MGRN1: variants seen among roughly 807,000 people sequenced by gnomAD.
MGRN1 encodes E3 ubiquitin-protein ligase MGRN1.
A neutral mutation model predicts 69.2 loss-of-function variants in MGRN1; 29 were observed. The observed-to-expected ratio is 0.42, with a 90% CI of 0.31 to 0.57. MGRN1 has a LOEUF of 0.57. MGRN1 is among the 20% of genes least tolerant of loss of function. The probability of loss-of-function intolerance (pLI) is 0.15; values close to 1 mark genes in which losing one functional copy is unlikely to be tolerated. For synonymous variants in MGRN1, 470 were observed against 344.2 expected, an observed-to-expected ratio of 1.37 and a Z score of -4.04; for missense variants, 998 against 796.2, an observed-to-expected ratio of 1.25 and a Z score of -3.05.
chr16:4,661,841 A>G (rs1596295252), intron 5 of MGRN1, among the ~76,000 whole-genome samples: 1 of 152,374 alleles, frequency 6.6e-6, no homozygotes, highest in East Asian at 1.9e-4. Flanking sequence ...TTTGTTCAGC[A>G]GATGGCTGCC....
Position 4,668,442 on chromosome 16 carries a change from C to T in MGRN1, c.726+130C>T, listed in dbSNP as rs116591067. ...ATACTCATACACGCTCATACACACT[C>T]ATACACATTCACTTGCACATATATA... On this transcript the variant is annotated intron_variant, in intron 8 of 16. Transcript: ENST00000262370. 7.7e-6 allele frequency: 7 copies of T among 906,208 alleles called. No homozygotes were observed. The African/African-American group carries it at 1.0e-4, about 13-fold the overall frequency. 56.1% of individuals were successfully genotyped at this position (906,208 alleles called of 1,614,324 possible). A position where few individuals can be genotyped will look rare whatever the true frequency, so the allele number is the denominator to read the frequency against.
intron 1 of MGRN1, among the ~76,000 whole-genome samples, chr16:4,627,515 C>T (rs866451443): frequency 5.6e-4 from 85 of 152,362 alleles, no homozygotes; most frequent in Middle Eastern, 3.4e-3. Context: ...TGGCCAGGCG[C>T]GGTGGCTCAC....
chr16:4,646,311 C>T (rs555983243), intron 1 of MGRN1, among the ~76,000 whole-genome samples: 3 of 152,154 alleles, frequency 2.0e-5, no homozygotes, highest in Admixed American at 2.0e-4. Context: ...ACACTGTGAT[C>T]CCAGCTACTT....
rs772108052 is a variant in MGRN1, at chr16:4,657,486, G to A, written c.561+123G>A. On this transcript the variant is annotated intron_variant, in intron 5 of 16. Coordinates refer to ENST00000262370, the MANE Select transcript of MGRN1 (RefSeq NM_015246.4). ...TCCAGGGTTCATAAGACCTGGGAAC[G>A]GCCGCCCCAGTCTGTGCTCAGGTGG... 10 of 920,806 alleles carry A rather than the reference G, an allele frequency of 1.1e-5. No individual in the cohort carries two copies. The Admixed American group carries it at 1.1e-4, about 10-fold the overall frequency. The allele number at this position is 920,806 out of a possible 1,614,324, so 57.0% of individuals were successfully genotyped here. A position where few individuals can be genotyped will look rare whatever the true frequency, so the allele number is the denominator to read the frequency against.
chr16:4,665,581 C>T (rs555470692), intron 7 of MGRN1, among the ~76,000 whole-genome samples: 91 of 151,664 alleles, frequency 6.0e-4, no homozygotes, highest in Non-Finnish European at 1.2e-3. Flanking sequence ...GTTGGCCAGA[C>T]TGGTCTCAAA....
chr16:4,682,716 C>A, intron 13 of MGRN1, 107 bp from the exon 14 acceptor site: 1 of 1,304,492 alleles, frequency 7.7e-7, no homozygotes, highest in Non-Finnish European at 1.0e-6. Flanking sequence ...TGCGTGGGTC[C>A]TGGCAGGCGT....
intron 5 of MGRN1, 79 bp downstream of exon 5, chr16:4,657,442 G>T (rs1444925899): frequency 5.1e-6 from 7 of 1,380,530 alleles, no homozygotes; most frequent in South Asian, 3.5e-5. Flanking sequence ...GCACAGTGGG[G>T]TCTGTGTGTT....
At chr16:4,654,253 T>C (rs1244135565) in intron 4 of MGRN1, among the ~76,000 whole-genome samples, 1 of 152,110 alleles carries the variant, frequency 6.6e-6, no homozygotes, top group Non-Finnish European at 1.5e-5. Flanking sequence ...AAGGAACAAA[T>C]ATTAGAACAA....
intron 5 of MGRN1, among the ~76,000 whole-genome samples, chr16:4,660,167 CAT>C (rs1292321344): frequency 1.3e-5 from 2 of 152,356 alleles, no homozygotes; most frequent in Admixed American, 6.5e-5. Context: ...GCAGAGAGGA[CAT>C]GTGTGGAGGG....
rs79271903 is a variant in MGRN1 at position 4,686,716 on chromosome 16, G to A, written c.1619-2080G>A. 2.3e-4 allele frequency: 238 copies of A among 1,017,474 alleles called. 1 individual carries two copies. The East Asian group carries it at 5.1e-3, about 22-fold the overall frequency. 63.0% of individuals were successfully genotyped at this position (1,017,474 alleles called of 1,614,324 possible). On this transcript the variant is annotated intron_variant, in intron 16 of 16. Transcript: ENST00000262370. ...AACCCCAGGGAGACATGGGGTGAGC[G>A]TCCCAAGGGGAGAGGCCTGGGCCTG...
intron 1 of MGRN1, among the ~76,000 whole-genome samples, chr16:4,646,256 C>T (rs1449753155): frequency 6.6e-6 from 1 of 152,084 alleles, no homozygotes; most frequent in Admixed American, 6.5e-5. Flanking sequence ...CATAGTGAGA[C>T]CCCATGTCTA....
At chr16:4,644,144 ATTT>A (rs1238734252) in intron 1 of MGRN1, among the ~76,000 whole-genome samples, 1 of 150,004 alleles carries the variant, frequency 6.7e-6, no homozygotes, top group African/African-American at 2.5e-5. Context: ...CTCCCGGCTA[ATTT>A]TTTTTTGTTT....
intron 16 of MGRN1, chr16:4,687,948 C>T (rs1055704849): frequency 2.1e-4 from 206 of 985,556 alleles, no homozygotes; most frequent in Middle Eastern, 5.2e-4. Flanking sequence ...ACCTTTCAGA[C>T]GGCCCCGGCC....
At chr16:4,683,615 A>C (rs987312951) in intron 15 of MGRN1, among the ~76,000 whole-genome samples, 3 of 152,084 alleles carry the variant, frequency 2.0e-5, no homozygotes, top group African/African-American at 4.8e-5. Context: ...AAGGGGAAAA[A>C]AAAGCCCCAT....
intron 11 of MGRN1, 83 bp downstream of exon 11, chr16:4,677,655 C>A: frequency 7.6e-7 from 1 of 1,323,878 alleles, no homozygotes; most frequent in Non-Finnish European, 1.1e-6. Context: ...ACGGTCCAGC[C>A]AGCAGCCCCG....
At chr16:4,642,322 G>T (rs2078177465) in intron 1 of MGRN1, among the ~76,000 whole-genome samples, 2 of 151,660 alleles carry the variant, frequency 1.3e-5, no homozygotes, top group Admixed American at 1.3e-4. Context: ...TTTTGAAACG[G>T]AGTCGTCTTC....
intron 5 of MGRN1, among the ~76,000 whole-genome samples, chr16:4,657,825 A>C (rs2078585358): frequency 7.2e-6 from 1 of 139,362 alleles, no homozygotes; most frequent in African/African-American, 2.8e-5. Flanking sequence ...GGATCACTAC[A>C]ACCTCTGCCT....
intron 1 of MGRN1, chr16:4,634,918 T>C (rs1430085725): frequency 6.6e-6 from 1 of 152,222 alleles, no homozygotes; most frequent in African/African-American, 2.4e-5. Context: ...TCCCCAGGGC[T>C]CAGCACTGGC....
rs368603866 is a variant in MGRN1 at position 4,683,302 on chromosome 16, T to C, written c.1528+33T>C. On this transcript the variant is annotated intron_variant, in intron 15 of 16. Coordinates refer to ENST00000262370, the MANE Select transcript of MGRN1 (RefSeq NM_015246.4). ...CCTCCTTCCATGGGCACAAACCGCA[T>C]GCAGGGACCAGGCAGCCCTGGCTTA... The C allele has an allele frequency of 8.1e-6, 13 of 1,612,356 alleles. No individual in the cohort carries two copies. In the African/African-American group the frequency reaches 1.5e-4, roughly 18 times the overall value.
Sources: allele counts gnomAD v4.1 joint callset (sites outside exome capture counted in the v4.1 genomes callset), GRCh38; gene constraint gnomAD v4.1.1; transcripts MANE v1.5; gene names NCBI Gene and HGNC (gene_info 2026-07-23, HGNC 2026-07-21).